The following NCAM2 variants were observed in gnomAD, a reference collection of about 807,000 sequenced individuals.
The protein encoded by NCAM2 is neural cell adhesion molecule 2, also known as N-CAM-2.
Under a neutral mutation model 98.1 loss-of-function variants are expected in NCAM2, and 30 were observed. The observed-to-expected ratio is 0.31, with a 90% confidence interval of 0.23 to 0.41. The LOEUF is 0.41. Ranked by LOEUF, NCAM2 falls within the 10% of genes least tolerant of loss-of-function variation. The pLI is 1.00. For synonymous variants in NCAM2, 368 were observed against 342.4 expected, an observed-to-expected ratio of 1.07 and a Z score of -0.83; for missense variants, 867 against 1,005.8, an observed-to-expected ratio of 0.86 and a Z score of 1.87.
chr21:21,276,124 T>C (rs2072720907), intron 1 of NCAM2, among the ~76,000 whole-genome samples: 2 of 152,094 alleles, frequency 1.3e-5, no homozygotes, highest in Admixed American at 6.5e-5. Flanking sequence ...TTCATTGTCG[T>C]CTATAAAGTC....
In NCAM2 at chr21:21,082,225, T is replaced by TAAAAAAAAAAA. The variant is rs57713170; in HGVS notation, c.55+83615_55+83625dup. On this transcript the variant is annotated intron_variant, in intron 1 of 17. Transcript: ENST00000400546. Reference sequence around the variant, plus strand: ...CCTGGGCGACAGAGTGAGAATCCTTTAAAAAAAAAAAAAAAAAAGAATTCT... The same window carrying TAAAAAAAAAAA: ...CCTGGGCGACAGAGTGAGAATCCTTTAAAAAAAAAAAAAAAAAAAAAAAAAAAAAGAATTCT... 7.2e-5 allele frequency among the ~76,000 whole-genome samples: 6 copies of TAAAAAAAAAAA among 82,912 alleles called. 1 individual carries two copies. The highest frequency in any genetic ancestry group is 2.7e-4 in the African/African-American group (6 of 22,596). The allele number at this position is 82,912 out of a possible 152,430, so 54.4% of individuals were successfully genotyped here.
intron 5 of NCAM2, among the ~76,000 whole-genome samples, chr21:21,304,702 GC>G (rs1466692995): frequency 1.3e-4 from 20 of 152,058 alleles, no homozygotes; most frequent in Non-Finnish European, 1.2e-4. Context: ...TTGTGTTGAA[GC>G]TATAGATCAC....
rs2074952672 is a variant in NCAM2, at chr21:21,338,954, A to G, written c.1044+420A>G. Among the ~76,000 whole-genome samples the G allele has an allele frequency of 3.9e-5, 6 of 152,166 alleles. No homozygotes were observed. In the South Asian group the frequency reaches 1.2e-3, roughly 31 times the overall value. On this transcript the variant is annotated intron_variant, in intron 8 of 17. Coordinates refer to ENST00000400546, the MANE Select transcript of NCAM2 (RefSeq NM_004540.5). ...GGAATAAAGATTTACAAACCAGTAC[A>G]TTTAACTTTAAACCTCAGCAATTTC...
intron 1 of NCAM2, among the ~76,000 whole-genome samples, chr21:21,259,854 C>T (rs1270269504): frequency 1.3e-5 from 2 of 151,386 alleles, no homozygotes; most frequent in Non-Finnish European, 2.9e-5. Flanking sequence ...CAACATAAAT[C>T]ACAGTCATAC....
At chr21:21,272,772 A>G (rs769054974) in intron 1 of NCAM2, among the ~76,000 whole-genome samples, 2 of 152,162 alleles carry the variant, frequency 1.3e-5, no homozygotes, top group Non-Finnish European at 2.9e-5. Flanking sequence ...TAACAATTAC[A>G]TTACTGAAGA....
intron 16 of NCAM2, among the ~76,000 whole-genome samples, chr21:21,511,338 TAAG>T (rs1988366367): frequency 6.6e-6 from 1 of 152,016 alleles, no homozygotes; most frequent in Non-Finnish European, 1.5e-5. Flanking sequence ...TCCATGAGTT[TAAG>T]TTGTTGTTGT....
At chr21:21,457,966 A>G (rs1297504698) in intron 12 of NCAM2, among the ~76,000 whole-genome samples, 1 of 152,192 alleles carries the variant, frequency 6.6e-6, no homozygotes, top group Non-Finnish European at 1.5e-5. Context: ...TGGATCAGCC[A>G]TCTCAGTCGA....
intron 15 of NCAM2, among the ~76,000 whole-genome samples, chr21:21,483,172 C>T (rs897663044): frequency 2.0e-5 from 3 of 151,906 alleles, no homozygotes; most frequent in Non-Finnish European, 4.4e-5. Context: ...CCAAAAAAGA[C>T]GTTAGTATCT....
At chr21:21,472,535 C>A (rs917665865) in intron 14 of NCAM2, among the ~76,000 whole-genome samples, 1 of 151,798 alleles carries the variant, frequency 6.6e-6, no homozygotes, top group Admixed American at 6.6e-5. Flanking sequence ...TTTTTCTTTG[C>A]TGTAAGTTAA....
At chr21:21,090,220 A>G (rs1420040361) in intron 1 of NCAM2, among the ~76,000 whole-genome samples, 1 of 152,102 alleles carries the variant, frequency 6.6e-6, no homozygotes, top group Admixed American at 6.5e-5. Context: ...TCTCTTATCT[A>G]TTGTTGTCAG....
chr21:21,242,478 TCTC>T (rs1050811449), intron 1 of NCAM2, among the ~76,000 whole-genome samples: 50 of 152,306 alleles, frequency 3.3e-4, no homozygotes, highest in African/African-American at 1.2e-3. Context: ...TTTAGCAACA[TCTC>T]CTCGTTTCCC....
chr21:21,050,879 A>T (rs1000419148), intron 1 of NCAM2, among the ~76,000 whole-genome samples: 4 of 152,198 alleles, frequency 2.6e-5, no homozygotes, highest in Non-Finnish European at 4.4e-5. Flanking sequence ...AGGAAACATG[A>T]TTACAATATC....
At position 21,539,114 on chromosome 21, in the gene NCAM2, A is replaced by G. The variant is rs2146441989; in HGVS notation, c.*1157A>G. Reference sequence around the variant, plus strand: ...AGAAGTCATTTTAAGATTTTGATAAACAACTTTGGTTGAAGAAATTCCTTA... The same window carrying G: ...AGAAGTCATTTTAAGATTTTGATAAGCAACTTTGGTTGAAGAAATTCCTTA... On this transcript the variant is annotated 3_prime_UTR_variant, in exon 18 of 18. Transcript: ENST00000400546. 1 of 152,310 alleles carries G rather than the reference A, an allele frequency of 6.6e-6. No homozygotes were observed. Among genetic ancestry groups the G allele is most frequent in the Non-Finnish European group, 1.5e-5 (1 of 68,014 alleles). The allele number at this position is 152,310 out of a possible 1,614,324, so 9.4% of individuals were successfully genotyped here. A position where few individuals can be genotyped will look rare whatever the true frequency, so the allele number is the denominator to read the frequency against.
chr21:21,362,673 C>G (rs752807832), intron 8 of NCAM2, among the ~76,000 whole-genome samples: 3 of 152,164 alleles, frequency 2.0e-5, no homozygotes, highest in Non-Finnish European at 4.4e-5. Flanking sequence ...CTGCAAATTG[C>G]AAGTCTTAAA....
At chr21:21,093,614 TCCACATCC>T (rs2066058564) in intron 1 of NCAM2, among the ~76,000 whole-genome samples, 2 of 152,018 alleles carry the variant, frequency 1.3e-5, no homozygotes, top group Admixed American at 1.3e-4. Flanking sequence ...CTTGTAACTG[TCCACATCC>T]ATTCTAGAAT....
At chr21:21,154,829 C>A (rs1486398135) in intron 1 of NCAM2, among the ~76,000 whole-genome samples, 1 of 151,706 alleles carries the variant, frequency 6.6e-6, no homozygotes, top group Non-Finnish European at 1.5e-5. Flanking sequence ...AAGGTCAAAA[C>A]CAGACATCTT....
At chr21:21,141,128 A>T (rs903163382) in intron 1 of NCAM2, among the ~76,000 whole-genome samples, 3 of 152,218 alleles carry the variant, frequency 2.0e-5, no homozygotes, top group Non-Finnish European at 4.4e-5. Flanking sequence ...ATTAGAAGAC[A>T]TAACACTTCA....
At chr21:21,290,526 A>G (rs915282404) in intron 4 of NCAM2, among the ~76,000 whole-genome samples, 1 of 151,830 alleles carries the variant, frequency 6.6e-6, no homozygotes, top group East Asian at 1.9e-4. Context: ...TTAATTTACC[A>G]GGGGAAAGAA....
At chr21:21,126,049 G>A (rs958877101) in intron 1 of NCAM2, among the ~76,000 whole-genome samples, 14 of 151,450 alleles carry the variant, frequency 9.2e-5, no homozygotes, top group Admixed American at 3.9e-4. Flanking sequence ...TCTAACACGC[G>A]CATGAAAACT....
Sources: gnomAD v4.1 joint callset for allele counts (sites outside exome capture counted in the v4.1 genomes callset) on GRCh38, gnomAD v4.1.1 for gene constraint, MANE v1.5 for transcripts, NCBI Gene and HGNC (gene_info 2026-07-23, HGNC 2026-07-21) for gene names.